The following FOXP2 variants were observed in gnomAD, a reference collection of about 807,000 sequenced individuals.
The protein encoded by FOXP2 is forkhead box P2.
Under a neutral mutation model 115.8 loss-of-function variants are expected in FOXP2, and 12 were observed. The ratio of observed to expected loss-of-function variants is 0.10; its 90% CI spans 0.07 to 0.17. The LOEUF (loss-of-function observed/expected upper bound fraction) is 0.17. FOXP2 is among the 10% of genes least tolerant of loss of function. FOXP2 has a pLI of 1.00. For synonymous variants in FOXP2, 328 were observed against 297.7 expected, an observed-to-expected ratio of 1.10 and a Z score of -1.05; for missense variants, 629 against 843.5, an observed-to-expected ratio of 0.75 and a Z score of 3.15.
intron 6 of FOXP2, among the ~76,000 whole-genome samples, chr7:114,638,018 G>T (rs1418847061): frequency 1.3e-5 from 2 of 152,006 alleles, no homozygotes; most frequent in Non-Finnish European, 2.9e-5. Context: ...CAGAGACAAA[G>T]AAAACTCTAA....
At chr7:114,349,922 A>G (rs186122817) in intron 2 of FOXP2, among the ~76,000 whole-genome samples, 17 of 152,240 alleles carry the variant, frequency 1.1e-4, no homozygotes, top group Admixed American at 1.1e-3. Context: ...ATTTCAAAGA[A>G]TGACCATAGT....
chr7:114,262,244 T>G (rs77590508), intron 1 of FOXP2, among the ~76,000 whole-genome samples: 1 of 151,986 alleles, frequency 6.6e-6, no homozygotes, highest in African/African-American at 2.4e-5. Flanking sequence ...GGCAACATAG[T>G]GAGGCCCCAT....
chr7:114,497,840 C>T (rs1194284749), intron 2 of FOXP2, among the ~76,000 whole-genome samples: 1 of 152,018 alleles, frequency 6.6e-6, no homozygotes, highest in Non-Finnish European at 1.5e-5. Flanking sequence ...CATTTATGTT[C>T]ATCATTTCAT....
intron 1 of FOXP2, among the ~76,000 whole-genome samples, chr7:114,186,073 A>AC (rs1793596779): frequency 6.6e-6 from 1 of 151,716 alleles, no homozygotes; most frequent in African/African-American, 2.4e-5. Flanking sequence ...TGGCCTAGTC[A>AC]CCTCTTAAAG....
chr7:114,212,701 C>T (rs1472164764), intron 1 of FOXP2, among the ~76,000 whole-genome samples: 6 of 151,972 alleles, frequency 3.9e-5, no homozygotes, highest in Non-Finnish European at 5.9e-5. Context: ...CTTAAGGCAA[C>T]TTAGAATACA....
chr7:114,664,206 T>C (rs535537999), intron 15 of FOXP2, 67 bp from the exon 16 acceptor site: 51 of 1,516,084 alleles, frequency 3.4e-5, no homozygotes, highest in Non-Finnish European at 4.1e-5. Context: ...TAAAAGAAGA[T>C]ACATGTTTTA....
chr7:114,294,382 G>A (rs2129177093), intron 2 of FOXP2, among the ~76,000 whole-genome samples: 1 of 152,162 alleles, frequency 6.6e-6, no homozygotes, highest in Middle Eastern at 3.4e-3. Context: ...TGCCCTTTAT[G>A]GAGGTGTAAA....
intron 3 of FOXP2, among the ~76,000 whole-genome samples, chr7:114,600,907 A>G (rs1802987813): frequency 6.7e-6 from 1 of 149,828 alleles, no homozygotes; most frequent in Non-Finnish European, 1.5e-5. Flanking sequence ...TCTTTATCAG[A>G]TATGTGTTTT....
chr7:114,669,778 C>T (rs1041972933), intron 16 of FOXP2: 1 of 152,024 alleles, frequency 6.6e-6, no homozygotes, highest in African/African-American at 2.4e-5. Context: ...TACTTCCCAA[C>T]CTAAGGCAAG....
chr7:114,603,163 A>G (rs969242607), intron 3 of FOXP2, among the ~76,000 whole-genome samples: 2 of 152,224 alleles, frequency 1.3e-5, no homozygotes, highest in African/African-American at 4.8e-5. Context: ...AGCAACTGGT[A>G]TAATATGAGG....
intron 6 of FOXP2, among the ~76,000 whole-genome samples, chr7:114,632,957 G>C (rs1039195963): frequency 1.3e-5 from 2 of 151,800 alleles, no homozygotes; most frequent in African/African-American, 4.8e-5. Context: ...TTAAAGACAT[G>C]AAAAAGTAAA....
intron 11 of FOXP2, among the ~76,000 whole-genome samples, 196 bp from the exon 12 acceptor site, chr7:114,659,160 A>G (rs1420791156): frequency 6.6e-6 from 1 of 152,190 alleles, no homozygotes; most frequent in Non-Finnish European, 1.5e-5. Context: ...ACGAACAACT[A>G]GGGGATGCTT....
Position 114,691,546 on chromosome 7 carries a change from A to G in FOXP2, c.*1620A>G, listed in dbSNP as rs970315770. On this transcript the variant is annotated 3_prime_UTR_variant, in exon 17 of 17. Transcript: ENST00000350908. ...CTTGACAATTCCAAACCCCAAAACT[A>G]TGATAATGAGTTATGATGTAGTTGA... 8 of 453,860 alleles carry G rather than the reference A, an allele frequency of 1.8e-5. No individual in the cohort carries two copies. Among genetic ancestry groups the G allele is most frequent in the Non-Finnish European group, 3.1e-5 (7 of 226,752 alleles). 28.1% of individuals were successfully genotyped at this position (453,860 alleles called of 1,614,324 possible).
intron 1 of FOXP2, among the ~76,000 whole-genome samples, chr7:114,114,856 T>G: frequency 6.6e-6 from 1 of 152,270 alleles, no homozygotes; most frequent in African/African-American, 2.4e-5. Context: ...AATCCAAGAC[T>G]GAAAACAGCA....
intron 2 of FOXP2, among the ~76,000 whole-genome samples, chr7:114,387,942 G>A (rs937662820): frequency 6.6e-6 from 1 of 152,000 alleles, no homozygotes; most frequent in African/African-American, 2.4e-5. Context: ...TTGCTTCCTC[G>A]CACCATTCAT....
At chr7:114,386,219 G>C (rs1448104934) in intron 2 of FOXP2, among the ~76,000 whole-genome samples, 5 of 152,180 alleles carry the variant, frequency 3.3e-5, no homozygotes, top group Admixed American at 3.3e-4. Flanking sequence ...AACAAATGTG[G>C]ACCAGAAGAG....
At chr7:114,493,516 G>C (rs1797166199) in intron 2 of FOXP2, among the ~76,000 whole-genome samples, 1 of 152,134 alleles carries the variant, frequency 6.6e-6, no homozygotes, top group African/African-American at 2.4e-5. Context: ...TCACTCAATA[G>C]TGCTGTGCTC....
chr7:114,662,354 G>T (rs1049000206), intron 14 of FOXP2, among the ~76,000 whole-genome samples, 168 bp downstream of exon 14: 1 of 151,952 alleles, frequency 6.6e-6, no homozygotes, highest in Non-Finnish European at 1.5e-5. Flanking sequence ...ATCAACAGTA[G>T]CCTATCAATT....
intron 1 of FOXP2, among the ~76,000 whole-genome samples, chr7:114,203,654 A>C (rs954096461): frequency 6.6e-6 from 1 of 152,050 alleles, no homozygotes; most frequent in Non-Finnish European, 1.5e-5. Flanking sequence ...GCACCTGGCA[A>C]CACCTTTTGA....
Sources: allele counts gnomAD v4.1 joint callset (sites outside exome capture counted in the v4.1 genomes callset), GRCh38; gene constraint gnomAD v4.1.1; transcripts MANE v1.5; gene names NCBI Gene and HGNC (gene_info 2026-07-23, HGNC 2026-07-21).